EPHA10: variants seen among roughly 807,000 people sequenced by gnomAD.
The protein encoded by EPHA10 is ephrin type-A receptor 10.
EPHA10 carries 120 observed loss-of-function variants against 109.7 expected under a neutral mutation model. The observed-to-expected ratio is 1.09, with a 90% CI of 0.94 to 1.27. EPHA10 has a LOEUF of 1.27. Ranked by LOEUF, EPHA10 falls within the 50% of genes most tolerant of loss-of-function variation. The pLI, the probability that EPHA10 is intolerant of heterozygous loss-of-function variation, is 0.00. For synonymous variants in EPHA10, 640 were observed against 618.9 expected (o/e 1.03, Z -0.51); for missense variants, 1,396 against 1,411.1 (o/e 0.99, Z 0.17).
intron 10 of EPHA10, chr1:37,722,233 G>A: frequency 4.2e-6 from 1 of 237,166 alleles, no homozygotes; most frequent in Non-Finnish European, 8.6e-6. Context: ...CCTTTTCTTG[G>A]CCTGTCTCCT....
chr1:37,718,466 AT>A lies in EPHA10; in HGVS notation c.2932del (p.Ile978SerfsTer110), dbSNP rs748851270. The A allele has an allele frequency of 6.2e-6, 10 of 1,613,264 alleles. No individual in the cohort carries two copies. Among genetic ancestry groups the A allele is most frequent in the Admixed American group, 1.7e-5 (1 of 59,998 alleles). ...MTAQDLVSLGISLAEHREALL... is the reference protein window; with the variant it reads ...MTAQDLVSLGXSLAEHREALL... ...GGCCTCTCGATGTTCAGCCAAAGAG[AT>A]GCCTAGGCTCACCAGGTCCCTGAAA... is the stretch of plus-strand genomic sequence containing the variant. On this transcript the variant is annotated frameshift_variant, in exon 17 of 17. Coordinates refer to ENST00000373048, the MANE Select transcript of EPHA10 (RefSeq NM_001099439.2). LOFTEE classifies it high-confidence loss of function.
intron 14 of EPHA10, 132 bp downstream of exon 14, chr1:37,719,777 G>T: frequency 6.6e-7 from 1 of 1,512,216 alleles, no homozygotes; most frequent in Non-Finnish European, 9.1e-7. Flanking sequence ...TGGCCAGGCA[G>T]AACCAGAAGC....
chr1:37,720,306 T>C (rs755439958), intron 13 of EPHA10, 45 bp downstream of exon 13: 33 of 1,552,156 alleles, frequency 2.1e-5, no homozygotes, highest in Non-Finnish European at 2.8e-5. Flanking sequence ...GGCAGCTTGG[T>C]GGGAACCAGA....
At chr1:37,721,631 G>A in intron 11 of EPHA10, 29 bp downstream of exon 11, 1 of 1,580,954 alleles carries the variant, frequency 6.3e-7, no homozygotes, top group South Asian at 1.1e-5. Context: ...CCGTGGGCTG[G>A]GCAGCAGGAA....
At chr1:37,719,673 CACACATGCACACACACAG>C (rs1645754833) in intron 14 of EPHA10, 66 bp from the exon 15 acceptor site, 4 of 1,524,918 alleles carry the variant, frequency 2.6e-6, no homozygotes, top group Middle Eastern at 2.3e-4. Context: ...TGTGTGCACA[CACACATGCACACACACAG>C]ACACAGACAC....
chr1:37,715,993 T>C lies in EPHA10; in HGVS notation c.*2379A>G. ...GCACCATATCACAGACAAGTTTTTA[T>C]TATCCTGCATAGAGAACCCAAGAAA... On this transcript the variant is annotated 3_prime_UTR_variant, in exon 17 of 17. Transcript: ENST00000373048. 1.7e-6 allele frequency: 1 copy of C among 588,270 alleles called. No individual in the cohort carries two copies. Among genetic ancestry groups the C allele is most frequent in the South Asian group, 1.4e-5 (1 of 71,478 alleles). The allele number at this position is 588,270 out of a possible 1,614,324, so 36.4% of individuals were successfully genotyped here.
chr1:37,731,677 C>A (rs1257287299), intron 6 of EPHA10, 95 bp from the exon 7 acceptor site: 3 of 1,379,978 alleles, frequency 2.2e-6, no homozygotes, highest in Non-Finnish European at 2.9e-6. Context: ...GGAGAAGCGC[C>A]CTTACGTGAA....
At chr1:37,731,647 T>G in intron 6 of EPHA10, 65 bp from the exon 7 acceptor site, 2 of 1,486,728 alleles carry the variant, frequency 1.3e-6, no homozygotes, top group Non-Finnish European at 1.8e-6. Flanking sequence ...GAACAAAGGG[T>G]GAACAGGAAC....
chr1:37,722,919 C>T lies in EPHA10; in HGVS notation c.1960+122G>A, dbSNP rs548849790. 33 of 1,476,904 alleles carry T rather than the reference C, an allele frequency of 2.2e-5. No homozygotes were observed. The South Asian group carries it at 3.3e-4, about 15-fold the overall frequency. 91.5% of individuals were successfully genotyped at this position (1,476,904 alleles called of 1,614,324 possible). ...TTGGTGTGGAGGCAGGGCTTCCAGA[C>T]ACGAGCAGAGACCTGGGTGGAGGTG... is the stretch of plus-strand genomic sequence containing the variant. On this transcript the variant is annotated intron_variant, in intron 10 of 16. Transcript: ENST00000373048.
Position 37,720,572 on chromosome 1 carries a change from T to C in EPHA10, c.2209-18A>G, listed in dbSNP as rs1285127425. 19 of 1,602,900 alleles carry C rather than the reference T, an allele frequency of 1.2e-5. No individual in the cohort carries two copies. The highest frequency in any genetic ancestry group is 1.5e-5 in the Non-Finnish European group (18 of 1,174,902). On this transcript the variant is annotated intron_variant, in intron 12 of 16. Coordinates refer to ENST00000373048, the MANE Select transcript of EPHA10 (RefSeq NM_001099439.2). Reference sequence around the variant, plus strand: ...TCGTGCCGCTGTGGAGGGAGAAGACTGAGGCCAGGGCTGTGCGCTTGGATC... The same window carrying C: ...TCGTGCCGCTGTGGAGGGAGAAGACCGAGGCCAGGGCTGTGCGCTTGGATC...
intron 13 of EPHA10, 53 bp downstream of exon 13, chr1:37,720,298 C>T: frequency 1.3e-6 from 2 of 1,537,814 alleles, no homozygotes; most frequent in Non-Finnish European, 8.8e-7. Context: ...GGCTCCAGGG[C>T]AGCTTGGTGG....
At position 37,721,845 on chromosome 1, in the gene EPHA10, C is replaced by A. The variant is rs1344019973; in HGVS notation, c.1961G>T (p.Gly654Val). 1 of 1,580,314 alleles carries A rather than the reference C, an allele frequency of 6.3e-7. No homozygotes were observed. Among genetic ancestry groups the A allele is most frequent in the Middle Eastern group, 1.7e-4 (1 of 5,940 alleles). ...GCCACAGCACAGCTCCCCAAACCGC[C>A]CTGTGGGGAAACAGCACCTCAGATA... ...SVTLERSLGGGRFGELCCGCL... is the reference protein window; with the variant it reads ...SVTLERSLGGVRFGELCCGCL... The change falls in exon 11 of 17, where the codon GGG becomes GTG. Residue 654 changes from glycine (G) to valine (V), a missense_variant and splice_region_variant. Transcript: ENST00000373048.
chr1:37,743,285 G>A (rs899699775), intron 5 of EPHA10, among the ~76,000 whole-genome samples: 46 of 152,012 alleles, frequency 3.0e-4, no homozygotes, highest in African/African-American at 1.1e-3. Flanking sequence ...TAAGTAAAAC[G>A]CTCTGGCACT....
In EPHA10 at chr1:37,720,537, C is replaced by T; in HGVS notation, c.2226G>A (p.Leu742=). Residue 742 remains leucine (L), a synonymous_variant, in exon 13 of 17, where the codon CTG becomes CTA. Coordinates refer to ENST00000373048, the MANE Select transcript of EPHA10 (RefSeq NM_001099439.2). ...GCAACCCCATCAGTTGCCCAGCCAC[C>T]AGCTGCCCCTCGTGCCGCTGTGGAG... is the stretch of plus-strand genomic sequence containing the variant. The part of the protein sequence containing the change: ...DGFLRRHEGQ[L]VAGQLMGLLP... 6.2e-7 allele frequency: 1 copy of T among 1,611,708 alleles called. No individual in the cohort carries two copies. The highest frequency in any genetic ancestry group is 8.5e-7 in the Non-Finnish European group (1 of 1,179,246).
At chr1:37,763,267 G>A (rs191560214) in intron 1 of EPHA10, among the ~76,000 whole-genome samples, 16 of 152,072 alleles carry the variant, frequency 1.1e-4, no homozygotes, top group South Asian at 2.1e-4. Flanking sequence ...TCTGGTGGCC[G>A]CCTGTAGTCC....
intron 3 of EPHA10, chr1:37,760,480 T>C: frequency 9.5e-7 from 1 of 1,049,908 alleles, no homozygotes; most frequent in Non-Finnish European, 1.2e-6. Context: ...TGGGATGTGA[T>C]CTTCGTAATC....
chr1:37,748,564 C>G, intron 5 of EPHA10, among the ~76,000 whole-genome samples: 1 of 152,024 alleles, frequency 6.6e-6, no homozygotes, highest in Non-Finnish European at 1.5e-5. Context: ...GAACACATTA[C>G]AAAACACTAA....
intron 3 of EPHA10, among the ~76,000 whole-genome samples, chr1:37,757,236 A>G (rs1646398131): frequency 6.7e-6 from 1 of 149,474 alleles, no homozygotes; most frequent in Non-Finnish European, 1.5e-5. Context: ...AACAAAAGTC[A>G]AGGTCACTAA....
chr1:37,751,242 GA>G (rs34839037), intron 5 of EPHA10, among the ~76,000 whole-genome samples: 214 of 124,272 alleles, frequency 1.7e-3, no homozygotes, highest in African/African-American at 5.2e-3. Context: ...AAAAGAAAAA[GA>G]AAAAAAAAAA....
Sources: gnomAD v4.1 joint callset for allele counts (sites outside exome capture counted in the v4.1 genomes callset) on GRCh38, gnomAD v4.1.1 for gene constraint, MANE v1.5 for transcripts, NCBI Gene and HGNC (gene_info 2026-07-23, HGNC 2026-07-21) for gene names.